The following STOX2 variants were observed in gnomAD, a reference collection of about 807,000 sequenced individuals.
The protein encoded by STOX2 is storkhead-box protein 2.
In STOX2, 28 loss-of-function variants were observed where a neutral mutation model predicts 60.9. The ratio of observed to expected loss-of-function variants is 0.46; its 90% CI spans 0.34 to 0.63. The LOEUF is 0.63. Ranked by LOEUF, STOX2 falls within the 30% of genes least tolerant of loss-of-function variation. The pLI is 0.01. For synonymous variants in STOX2, 472 were observed against 463.9 expected (o/e 1.02, Z -0.22); for missense variants, 1,024 against 1,187.7 (o/e 0.86, Z 2.03).
intron 1 of STOX2, among the ~76,000 whole-genome samples, chr4:183,931,171 C>A (rs1742410693): frequency 6.6e-6 from 1 of 152,142 alleles, no homozygotes; most frequent in African/African-American, 2.4e-5. Flanking sequence ...CACCTGTAAT[C>A]CCAGCACTTT....
intron 1 of STOX2, among the ~76,000 whole-genome samples, chr4:183,811,052 C>G (rs144621939): frequency 6.6e-6 from 1 of 152,024 alleles, no homozygotes; most frequent in Admixed American, 6.6e-5. Context: ...CGATTTAGTG[C>G]AGGGTTCTTT....
chr4:183,955,664 G>A (rs1289224565), intron 1 of STOX2, among the ~76,000 whole-genome samples: 1 of 152,124 alleles, frequency 6.6e-6, no homozygotes, highest in Non-Finnish European at 1.5e-5. Flanking sequence ...TCCCGATTTT[G>A]CTGGGCCACA....
intron 1 of STOX2, among the ~76,000 whole-genome samples, chr4:183,867,179 C>G (rs958559963): frequency 6.6e-6 from 1 of 152,188 alleles, no homozygotes; most frequent in Non-Finnish European, 1.5e-5. Context: ...CTCTCTATTA[C>G]CCATGTGGGC....
In STOX2 at chr4:183,894,960, C is replaced by G. The variant is rs73870946; in HGVS notation, c.364+96905C>G. ...AATAAGACATCCTAAAAATTGGGGG[C>G]TATTCTAGCAATGCAAAGATTTATA... On this transcript the variant is annotated intron_variant, in intron 1 of 2. Transcript: ENST00000513034. 9.4e-3 allele frequency among the ~76,000 whole-genome samples: 1,425 copies of G among 152,266 alleles called. 16 individuals carry two copies. Among genetic ancestry groups the G allele is most frequent in the African/African-American group, 0.03 (1,227 of 41,544 alleles).
chr4:183,983,112 A>G lies in STOX2; in HGVS notation c.167-18213A>G, dbSNP rs536985042. 5.9e-5 allele frequency among the ~76,000 whole-genome samples: 9 copies of G among 152,184 alleles called. No homozygotes were observed. In the East Asian group the frequency reaches 1.7e-3, roughly 29 times the overall value. Reference sequence around the variant, plus strand: ...TCTCCAAAACATCTTAGACTGTCTAACCACATCGTCTCTGTTCATACTGCC... The same window carrying G: ...TCTCCAAAACATCTTAGACTGTCTAGCCACATCGTCTCTGTTCATACTGCC... On this transcript the variant is annotated intron_variant, in intron 1 of 3. Transcript: ENST00000308497.
intron 1 of STOX2, among the ~76,000 whole-genome samples, chr4:183,860,409 TAAAAC>T: frequency 1.7e-5 from 1 of 59,704 alleles, no homozygotes; most frequent in East Asian, 3.8e-4. Flanking sequence ...CCAGCTGGCT[TAAAAC>T]AAAACAAAAC....
intron 1 of STOX2, among the ~76,000 whole-genome samples, chr4:183,938,664 G>A (rs946522743): frequency 4.0e-5 from 3 of 74,814 alleles, no homozygotes; most frequent in South Asian, 9.6e-4. Context: ...GTGAGACTCC[G>A]TCTCCAAAAA....
intron 1 of STOX2, among the ~76,000 whole-genome samples, chr4:183,940,535 C>A (rs1459641062): frequency 1.3e-5 from 2 of 152,098 alleles, no homozygotes; most frequent in Non-Finnish European, 2.9e-5. Context: ...TTGCACAATC[C>A]TGCTTTTTAT....
intron 1 of STOX2, among the ~76,000 whole-genome samples, chr4:183,882,506 A>G (rs558163627): frequency 6.6e-6 from 1 of 152,334 alleles, no homozygotes; most frequent in East Asian, 1.9e-4. Flanking sequence ...AATTTTGAGT[A>G]TACCTTTAGC....
chr4:183,944,225 G>A (rs1579448188), intron 1 of STOX2, among the ~76,000 whole-genome samples: 1 of 152,146 alleles, frequency 6.6e-6, no homozygotes, highest in East Asian at 1.9e-4. Context: ...GGCCCTGCGG[G>A]GCTTAATTAA....
In STOX2 at chr4:183,947,167, T is replaced by C. The variant is rs566370038; in HGVS notation, c.166+40211T>C. 3.3e-5 allele frequency among the ~76,000 whole-genome samples: 5 copies of C among 152,348 alleles called. No homozygotes were observed. In the East Asian group the frequency reaches 7.7e-4, roughly 24 times the overall value. ...TGCAGTGAACTCTTGCACATCCTCC[T>C]GTATACTTTAAATTAATTCTACATG... On this transcript the variant is annotated intron_variant, in intron 1 of 3. Transcript: ENST00000308497.
chr4:183,963,244 A>G (rs1743462207), intron 1 of STOX2, among the ~76,000 whole-genome samples: 1 of 152,146 alleles, frequency 6.6e-6, no homozygotes, highest in South Asian at 2.1e-4. Context: ...GTTACCCCCA[A>G]CTAAGAAACA....
chr4:183,958,356 C>T (rs751658261), intron 1 of STOX2, among the ~76,000 whole-genome samples: 7 of 152,052 alleles, frequency 4.6e-5, no homozygotes, highest in Non-Finnish European at 7.4e-5. Context: ...TTAATTTTCT[C>T]AGTCACACCA....
At chr4:183,998,507 T>C (rs1733444375) in intron 1 of STOX2, among the ~76,000 whole-genome samples, 1 of 152,166 alleles carries the variant, frequency 6.6e-6, no homozygotes, top group South Asian at 2.1e-4. Context: ...CTGCTGCAGC[T>C]TGCATCAGCA....
At chr4:183,839,747 T>C (rs1308511747) in intron 1 of STOX2, among the ~76,000 whole-genome samples, 1 of 152,230 alleles carries the variant, frequency 6.6e-6, no homozygotes, top group Non-Finnish European at 1.5e-5. Context: ...GGAAAGAATT[T>C]GAAATATATG....
chr4:183,940,947 G>GA (rs1296173613), intron 1 of STOX2, among the ~76,000 whole-genome samples: 5 of 152,134 alleles, frequency 3.3e-5, no homozygotes, highest in African/African-American at 1.2e-4. Flanking sequence ...AGGCTGCCAC[G>GA]AAAATGAAAC....
intron 1 of STOX2, among the ~76,000 whole-genome samples, chr4:183,823,577 T>C (rs2111112883): frequency 6.6e-6 from 1 of 152,350 alleles, no homozygotes. Context: ...TGTGGAGCTG[T>C]GCTCTCTGCC....
At chr4:183,811,828 A>G (rs1160239224) in intron 1 of STOX2, among the ~76,000 whole-genome samples, 1 of 152,188 alleles carries the variant, frequency 6.6e-6, no homozygotes, top group African/African-American at 2.4e-5. Context: ...TAAGGTTCAG[A>G]AAGCTCCAAA....
intron 1 of STOX2, among the ~76,000 whole-genome samples, chr4:183,924,736 G>T (rs1447326715): frequency 2.0e-5 from 3 of 152,162 alleles, no homozygotes; most frequent in Non-Finnish European, 2.9e-5. Flanking sequence ...GATAGAGATA[G>T]GCTCGCAAGG....
Sources: gnomAD v4.1 joint callset for allele counts (sites outside exome capture counted in the v4.1 genomes callset) on GRCh38, gnomAD v4.1.1 for gene constraint, MANE v1.5 for transcripts, NCBI Gene and HGNC (gene_info 2026-07-23, HGNC 2026-07-21) for gene names.